DRC10: variants seen among roughly 807,000 people sequenced by gnomAD.
DRC10 encodes IQ domain-containing protein D.
the DRC10 span, among the ~76,000 whole-genome samples, chr12:113,205,680 G>A: frequency 1.3e-5 from 2 of 151,198 alleles, no homozygotes; most frequent in African/African-American, 2.4e-5. Context: ...ATGAGGTCAG[G>A]AGATCGAGAC....
the DRC10 span, chr12:113,197,676 T>A: frequency 1.1e-3 from 1,103 of 1,015,668 alleles, 8 homozygotes; most frequent in African/African-American, 0.013. Context: ...CACTGAGCAC[T>A]CTCTGCATCA....
At chr12:113,210,898 A>G in the DRC10 span, among the ~76,000 whole-genome samples, 1 of 152,066 alleles carries the variant, frequency 6.6e-6, no homozygotes, top group African/African-American at 2.4e-5. Context: ...TTATTTTCAT[A>G]TTGTCTGTAG....
At chr12:113,195,715 C>T in the DRC10 span, 2 of 1,613,824 alleles carry the variant, frequency 1.2e-6, no homozygotes, top group Admixed American at 3.3e-5. Context: ...ATGAGCGTGG[C>T]CGCCCGTACC....
chr12:113,200,879 C>T, the DRC10 span: 22 of 1,255,602 alleles, frequency 1.8e-5, no homozygotes, highest in South Asian at 3.1e-4. Flanking sequence ...TGGCTCACGC[C>T]TGTAATCCCA....
the DRC10 span, chr12:113,200,630 AC>A: frequency 2.6e-6 from 4 of 1,536,018 alleles, no homozygotes; most frequent in Non-Finnish European, 3.5e-6. Context: ...AGGTTGTAAA[AC>A]TGTGACTGCA....
chr12:113,218,473 A>C, the DRC10 span, among the ~76,000 whole-genome samples: 1 of 149,388 alleles, frequency 6.7e-6, no homozygotes, highest in East Asian at 2.0e-4. Flanking sequence ...ACAGGGTCTT[A>C]CTCTGTCACG....
chr12:113,209,665 G>A, the DRC10 span, among the ~76,000 whole-genome samples: 2 of 152,188 alleles, frequency 1.3e-5, no homozygotes, highest in Non-Finnish European at 2.9e-5. Context: ...AATACAGACA[G>A]GAGCCACCGT....
chr12:113,197,713 C>T, the DRC10 span: 1 of 746,072 alleles, frequency 1.3e-6, no homozygotes, highest in Non-Finnish European at 2.3e-6. Context: ...GCTTGACATG[C>T]CTCGCCTATT....
chr12:113,206,641 G>A, the DRC10 span, among the ~76,000 whole-genome samples: 1 of 151,726 alleles, frequency 6.6e-6, no homozygotes, highest in Non-Finnish European at 1.5e-5. Context: ...CTTTGTCTCA[G>A]TGTTGATTTT....
chr12:113,208,014 C>G, the DRC10 span: 1 of 1,614,148 alleles, frequency 6.2e-7, no homozygotes. Flanking sequence ...TGGACATGAT[C>G]CTTTTGGCCT....
the DRC10 span, among the ~76,000 whole-genome samples, chr12:113,205,280 C>T: frequency 6.6e-6 from 1 of 151,672 alleles, no homozygotes; most frequent in African/African-American, 2.4e-5. Flanking sequence ...CGCCTATAAT[C>T]CCAGCACTTT....
chr12:113,205,612 G>C, the DRC10 span, among the ~76,000 whole-genome samples: 1 of 151,654 alleles, frequency 6.6e-6, no homozygotes, highest in South Asian at 2.1e-4. Flanking sequence ...AAATCAGGCC[G>C]GGCGCGGTGG....
At chr12:113,215,660 A>G in the DRC10 span, among the ~76,000 whole-genome samples, 7 of 152,144 alleles carry the variant, frequency 4.6e-5, no homozygotes, top group Non-Finnish European at 1.0e-4. Context: ...AGGAATTTTA[A>G]TTCCTCTTTT....
chr12:113,207,864 G>C, the DRC10 span: 1 of 1,614,088 alleles, frequency 6.2e-7, no homozygotes, highest in Non-Finnish European at 8.5e-7. Context: ...CGTTTTCAAG[G>C]AGGACCTGGC....
chr12:113,204,360 G>A, the DRC10 span, among the ~76,000 whole-genome samples: 1 of 152,184 alleles, frequency 6.6e-6, no homozygotes, highest in African/African-American at 2.4e-5. Context: ...GGCATTCTCT[G>A]GGTTTCTGAA....
chr12:113,205,781 C>T, the DRC10 span, among the ~76,000 whole-genome samples: 12 of 148,586 alleles, frequency 8.1e-5, no homozygotes, highest in East Asian at 8.0e-4. Flanking sequence ...CCCAGCTACT[C>T]GGGAGGCTGA....
chr12:113,204,296 T>C, the DRC10 span, among the ~76,000 whole-genome samples: 1 of 152,260 alleles, frequency 6.6e-6, no homozygotes, highest in African/African-American at 2.4e-5. Context: ...CTGTGTGATC[T>C]GTCTCCTTCC....
chr12:113,197,604 A>C, the DRC10 span: 8 of 1,527,290 alleles, frequency 5.2e-6, no homozygotes, highest in Non-Finnish European at 7.0e-6. Flanking sequence ...TTTCCACTTT[A>C]TATTTCTTCT....
chr12:113,212,313 C>T, the DRC10 span, among the ~76,000 whole-genome samples: 4 of 152,086 alleles, frequency 2.6e-5, no homozygotes, highest in Non-Finnish European at 4.4e-5. Context: ...AGGTGATCTG[C>T]CCACCTTGGC....
Sources: gnomAD v4.1 joint callset for allele counts (sites outside exome capture counted in the v4.1 genomes callset) on GRCh38, gnomAD v4.1.1 for gene constraint, MANE v1.5 for transcripts, NCBI Gene and HGNC (gene_info 2026-07-23, HGNC 2026-07-21) for gene names.